Variants in MAML2 observed in about 807,000 individuals in gnomAD.
The protein encoded by MAML2 is mastermind-like protein 2.
In MAML2, 22 loss-of-function variants were observed where a neutral mutation model predicts 96.1. That is an observed-to-expected ratio of 0.23 (90% CI 0.16 to 0.33). The LOEUF (loss-of-function observed/expected upper bound fraction) is 0.33. MAML2 is among the 10% of genes least tolerant of loss of function. MAML2 has a pLI of 1.00. For missense variants in MAML2, 1,367 were observed against 1,392.4 expected, an observed-to-expected ratio of 0.98 and a Z score of 0.29; for synonymous variants, 561 against 521.3, an observed-to-expected ratio of 1.08 and a Z score of -1.04.
chr11:96,246,423 AT>A (rs1479090948), intron 1 of MAML2, among the ~76,000 whole-genome samples: 2 of 152,132 alleles, frequency 1.3e-5, no homozygotes, highest in Non-Finnish European at 2.9e-5. Flanking sequence ...ACAAAATGCT[AT>A]GGAAGCACAA....
chr11:96,067,706 TATG>T, intron 2 of MAML2, among the ~76,000 whole-genome samples: 1 of 152,346 alleles, frequency 6.6e-6, no homozygotes, highest in South Asian at 2.1e-4. Context: ...GTTATTTGAA[TATG>T]ATATTTCACA....
At chr11:96,102,997 A>G (rs535487681) in intron 1 of MAML2, among the ~76,000 whole-genome samples, 138 of 152,324 alleles carry the variant, frequency 9.1e-4, no homozygotes, top group African/African-American at 3.1e-3. Context: ...TGCATTAAGT[A>G]TCATTAATCA....
intron 1 of MAML2, among the ~76,000 whole-genome samples, chr11:96,237,410 A>G (rs977505432): frequency 2.6e-5 from 4 of 152,212 alleles, no homozygotes; most frequent in African/African-American, 9.7e-5. Flanking sequence ...CGCACAATTA[A>G]CACCTTATTA....
At chr11:96,068,438 TCACACACACACACACACACA>T (rs10522513) in intron 2 of MAML2, among the ~76,000 whole-genome samples, 1 of 120,292 alleles carries the variant, frequency 8.3e-6, no homozygotes, top group East Asian at 2.7e-4. Flanking sequence ...GGAGCTTACT[TCACACACACACACACACACA>T]CACACACACA....
Position 96,093,044 on chromosome 11 carries a change from C to T in MAML2, c.987G>A (p.Met329Ile), listed in dbSNP as rs1223906662. 6.2e-7 allele frequency: 1 copy of T among 1,613,892 alleles called. No homozygotes were observed. The highest frequency in any genetic ancestry group is 1.3e-5 in the African/African-American group (1 of 74,920). Residue 329 changes from methionine to isoleucine, a missense_variant, in exon 2 of 5, where the codon ATG (methionine) becomes ATA (isoleucine). Met to Ile is a conservative substitution (Grantham distance 10). Coordinates refer to ENST00000524717, the MANE Select transcript of MAML2 (RefSeq NM_032427.4). Reference protein sequence around the residue: ...PPMSDLELENMINATIKQDDP... With the variant: ...PPMSDLELENIINATIKQDDP... ...CATCCTGCTTTATGGTGGCATTGATCATGTTCTCCAGTTCAAGGTCACTCA... is the reference window on the plus strand; with the variant it reads ...CATCCTGCTTTATGGTGGCATTGATTATGTTCTCCAGTTCAAGGTCACTCA...
intron 1 of MAML2, among the ~76,000 whole-genome samples, chr11:96,133,995 T>C (rs919412027): frequency 2.0e-5 from 3 of 151,834 alleles, no homozygotes; most frequent in Non-Finnish European, 2.9e-5. Flanking sequence ...CCCTGCCTCA[T>C]TGAAAAGAAA....
intron 1 of MAML2, among the ~76,000 whole-genome samples, chr11:96,250,160 G>A (rs1001639956): frequency 2.0e-5 from 3 of 151,908 alleles, no homozygotes; most frequent in Admixed American, 6.6e-5. Context: ...GCACACTACA[G>A]TATTACCTGT....
chr11:96,330,554 A>G (rs966541812), intron 1 of MAML2, among the ~76,000 whole-genome samples: 4 of 152,244 alleles, frequency 2.6e-5, no homozygotes, highest in East Asian at 1.9e-4. Context: ...GCTTAAAACA[A>G]TGACGCAATA....
chr11:96,060,051 C>T (rs1293984386), intron 2 of MAML2, among the ~76,000 whole-genome samples: 1 of 152,028 alleles, frequency 6.6e-6, no homozygotes, highest in Non-Finnish European at 1.5e-5. Flanking sequence ...TGAATAAAGC[C>T]AAGAGGGAAG....
intron 3 of MAML2, among the ~76,000 whole-genome samples, chr11:95,990,524 G>A (rs1857892726): frequency 6.6e-6 from 1 of 152,134 alleles, no homozygotes; most frequent in African/African-American, 2.4e-5. Context: ...ATCATTTCTA[G>A]TAGTTACCAG....
rs1384302941 is a variant in MAML2, at chr11:96,319,535, C to A, written c.513+21848G>T. ...ATCAGAGAATTTTAAAATAATAGCT[C>A]AATTTTACAAACTCTTCTCCCTCCT... On this transcript the variant is annotated intron_variant, in intron 1 of 4. Coordinates refer to ENST00000524717, the MANE Select transcript of MAML2 (RefSeq NM_032427.4). Among the ~76,000 whole-genome samples the A allele has an allele frequency of 1.3e-4, 20 of 152,110 alleles. No homozygotes were observed. In the South Asian group the frequency reaches 3.3e-3, roughly 25 times the overall value.
At chr11:96,027,147 C>T (rs536593815) in intron 2 of MAML2, among the ~76,000 whole-genome samples, 53 of 152,184 alleles carry the variant, frequency 3.5e-4, no homozygotes, top group Non-Finnish European at 7.1e-4. Flanking sequence ...GCTACAGTCT[C>T]AAGATAGCTC....
At chr11:96,097,734 G>A (rs1241944857) in intron 1 of MAML2, among the ~76,000 whole-genome samples, 3 of 152,132 alleles carry the variant, frequency 2.0e-5, no homozygotes, top group Non-Finnish European at 4.4e-5. Context: ...GGGCTTCAAA[G>A]GCAAGGGTAC....
chr11:96,117,597 G>GATTA (rs1860266344), intron 1 of MAML2, among the ~76,000 whole-genome samples: 1 of 152,126 alleles, frequency 6.6e-6, no homozygotes, highest in Admixed American at 6.5e-5. Context: ...ACCATGCCCA[G>GATTA]CACAAAGCTC....
At chr11:96,030,830 C>T (rs2135745647) in intron 2 of MAML2, among the ~76,000 whole-genome samples, 1 of 152,250 alleles carries the variant, frequency 6.6e-6, no homozygotes, top group Middle Eastern at 3.4e-3. Flanking sequence ...ACTGGGAACC[C>T]AAGGCTACAT....
Position 96,105,357 on chromosome 11 carries a change from T to C in MAML2, c.514-11840A>G, listed in dbSNP as rs957095324. Among the ~76,000 whole-genome samples the C allele has an allele frequency of 2.6e-5, 4 of 152,210 alleles. No individual in the cohort carries two copies. The East Asian group carries it at 5.8e-4, about 22-fold the overall frequency. The stretch of plus-strand genomic sequence containing the variant: ...ACATCTCCACCAATTCTCCCCTCAA[T>C]GCACAAAAGCATTCTGAAAGTAAAA... On this transcript the variant is annotated intron_variant, in intron 1 of 4. Coordinates refer to ENST00000524717, the MANE Select transcript of MAML2 (RefSeq NM_032427.4).
chr11:96,005,074 C>A (rs1424017918), intron 2 of MAML2, among the ~76,000 whole-genome samples: 1 of 152,156 alleles, frequency 6.6e-6, no homozygotes, highest in Admixed American at 6.5e-5. Context: ...TGGAACAGGC[C>A]CTCACCAGAC....
At chr11:96,076,567 G>T (rs934374293) in intron 2 of MAML2, among the ~76,000 whole-genome samples, 3 of 151,920 alleles carry the variant, frequency 2.0e-5, no homozygotes, top group South Asian at 2.1e-4. Context: ...TCTGAATTTG[G>T]CAGGGAATCC....
intron 1 of MAML2, among the ~76,000 whole-genome samples, chr11:96,161,468 T>C (rs1471151601): frequency 6.6e-6 from 1 of 152,142 alleles, no homozygotes; most frequent in Non-Finnish European, 1.5e-5. Context: ...GACAGAGGAA[T>C]CTCGGGATCC....
Sources: gnomAD v4.1 joint callset for allele counts (sites outside exome capture counted in the v4.1 genomes callset) on GRCh38, gnomAD v4.1.1 for gene constraint, MANE v1.5 for transcripts, NCBI Gene and HGNC (gene_info 2026-07-23, HGNC 2026-07-21) for gene names.